Variants in GFI1B observed in about 807,000 individuals in gnomAD.
GFI1B encodes growth factor independent 1B transcriptional repressor, also known as zinc finger protein Gfi-1b.
In GFI1B, 20 loss-of-function variants were observed where a neutral mutation model predicts 35.3. The observed-to-expected ratio is 0.57, with a 90% CI of 0.40 to 0.82. The LOEUF is 0.82. GFI1B is among the 40% of genes least tolerant of loss of function. The probability of loss-of-function intolerance (pLI) is 0.00; values close to 1 mark genes in which losing one functional copy is unlikely to be tolerated. For missense variants in GFI1B, 430 were observed against 446.3 expected, an observed-to-expected ratio of 0.96 and a Z score of 0.33; for synonymous variants, 178 against 177.6, an observed-to-expected ratio of 1.00 and a Z score of -0.02.
At chr9:132,972,102 C>T (rs1848541513) in intron 1 of GFI1B, among the ~76,000 whole-genome samples, 1 of 151,910 alleles carries the variant, frequency 6.6e-6, no homozygotes, top group Admixed American at 6.6e-5. Flanking sequence ...GAGCAAGACC[C>T]TGTCTCTACA....
At chr9:132,987,121 C>T (rs536230806) in intron 2 of GFI1B, among the ~76,000 whole-genome samples, 161 bp from the exon 3 acceptor site, 80 of 152,334 alleles carry the variant, frequency 5.3e-4, no homozygotes, top group African/African-American at 1.9e-3. Context: ...TTCTTGCCGC[C>T]GCCTGCTCTG....
At position 132,990,882 on chromosome 9, in the gene GFI1B, G is replaced by A. The variant is rs776195214; in HGVS notation, c.825G>A (p.Pro275=). ...KHTYIHTGEK[P]HKCQVCGKAF... is the part of the protein sequence containing the mutation. ...CTGCCCTCCCTGCAGGTGAGAAGCC[G>A]CACAAGTGCCAGGTGTGCGGAAAGG... Residue 275 remains proline (P), a synonymous_variant, in exon 7 of 7, where the codon CCG becomes CCA. Coordinates refer to ENST00000372122, the MANE Select transcript of GFI1B (RefSeq NM_001377304.1). 23 of 1,614,042 alleles carry A rather than the reference G, an allele frequency of 1.4e-5. No homozygotes were observed. Among genetic ancestry groups the A allele is most frequent in the African/African-American group, 5.3e-5 (4 of 74,956 alleles).
chr9:132,968,175 G>GGTC (rs1848479565), intron 1 of GFI1B, among the ~76,000 whole-genome samples: 1 of 151,510 alleles, frequency 6.6e-6, no homozygotes, highest in Non-Finnish European at 1.5e-5. Flanking sequence ...AGAGTGCACT[G>GGTC]GTGATCATAG....
At chr9:132,949,330 CACACACACACAT>C (rs1270163725) in intron 1 of GFI1B, among the ~76,000 whole-genome samples, 3 of 151,164 alleles carry the variant, frequency 2.0e-5, no homozygotes, top group East Asian at 1.9e-4. Context: ...CAGATACACA[CACACACACACAT>C]ACACACACAC....
intron 1 of GFI1B, chr9:132,946,545 G>C (rs12376655): frequency 0.22 from 32,772 of 152,176 alleles, 3,658 homozygotes; most frequent in African/African-American, 0.23. Context: ...CGAGGGAAAC[G>C]GGGAAGGGTC....
At chr9:132,960,893 A>T (rs781097407) in intron 1 of GFI1B, among the ~76,000 whole-genome samples, 40 of 151,944 alleles carry the variant, frequency 2.6e-4, no homozygotes, top group Non-Finnish European at 4.3e-4. Context: ...CACCCCCAGC[A>T]ATAAATTGTG....
At chr9:132,970,541 T>C (rs1848518487) in intron 1 of GFI1B, among the ~76,000 whole-genome samples, 1 of 152,132 alleles carries the variant, frequency 6.6e-6, no homozygotes, top group East Asian at 1.9e-4. Context: ...AGTGTGGTGC[T>C]CATCAGAAAA....
At chr9:132,958,495 CCA>C (rs1223895226) in intron 1 of GFI1B, among the ~76,000 whole-genome samples, 7 of 152,182 alleles carry the variant, frequency 4.6e-5, no homozygotes, top group Admixed American at 3.3e-4. Flanking sequence ...CGAGGAGGTG[CCA>C]CACACTTTTA....
At chr9:132,984,799 T>C (rs570293244) in intron 1 of GFI1B, among the ~76,000 whole-genome samples, 2 of 152,252 alleles carry the variant, frequency 1.3e-5, no homozygotes, top group South Asian at 2.1e-4. Context: ...GTCCAAACTC[T>C]TGATGCCCCC....
chr9:132,967,571 A>G (rs1162637745), intron 1 of GFI1B, among the ~76,000 whole-genome samples: 1 of 152,216 alleles, frequency 6.6e-6, no homozygotes, highest in Non-Finnish European at 1.5e-5. Flanking sequence ...AACTGCAAAA[A>G]TGTCCATATA....
chr9:132,961,622 C>T (rs1376749006), intron 1 of GFI1B, among the ~76,000 whole-genome samples: 8 of 146,250 alleles, frequency 5.5e-5, no homozygotes, highest in Admixed American at 2.7e-4. Flanking sequence ...GACGGAGTCT[C>T]GCTCTGTCGC....
At chr9:132,955,832 G>A (rs1418216089) in intron 1 of GFI1B, among the ~76,000 whole-genome samples, 1 of 151,828 alleles carries the variant, frequency 6.6e-6, no homozygotes, top group Admixed American at 6.6e-5. Flanking sequence ...GTGTGTGTGT[G>A]TGTGTGTGTT....
At chr9:132,962,609 A>G in intron 1 of GFI1B, 1 of 506,700 alleles carries the variant, frequency 2.0e-6, no homozygotes, top group Non-Finnish European at 4.0e-6. Context: ...AAAACTGGTA[A>G]TCAAATTAGG....
At chr9:132,962,132 TTTTTC>T (rs1416258656) in intron 1 of GFI1B, among the ~76,000 whole-genome samples, 1 of 112,222 alleles carries the variant, frequency 8.9e-6, no homozygotes, top group African/African-American at 4.0e-5. Context: ...AATTGTTTTT[TTTTTC>T]TTTTTTTTTT....
At chr9:132,967,455 G>C (rs1848465994) in intron 1 of GFI1B, among the ~76,000 whole-genome samples, 1 of 152,118 alleles carries the variant, frequency 6.6e-6, no homozygotes, top group Admixed American at 6.5e-5. Context: ...GGCAGGGGGT[G>C]CTCTTCCATC....
intron 1 of GFI1B, among the ~76,000 whole-genome samples, chr9:132,972,175 A>C (rs1424493609): frequency 3.3e-5 from 5 of 152,090 alleles, no homozygotes; most frequent in Non-Finnish European, 7.4e-5. Flanking sequence ...TAATCCCAGC[A>C]CTTTTGGAAG....
chr9:132,970,924 A>G (rs2132609410), intron 1 of GFI1B, among the ~76,000 whole-genome samples: 1 of 152,296 alleles, frequency 6.6e-6, no homozygotes, highest in African/African-American at 2.4e-5. Context: ...AGCACCACTC[A>G]CCTGATAAGA....
intron 1 of GFI1B, chr9:132,947,278 T>G (rs1410429030): frequency 2.6e-5 from 4 of 152,324 alleles, no homozygotes; most frequent in African/African-American, 9.6e-5. Context: ...CTTTCAGTGC[T>G]GATGGTCCTC....
intron 1 of GFI1B, among the ~76,000 whole-genome samples, chr9:132,968,102 A>C (rs1848476427): frequency 6.9e-6 from 1 of 144,958 alleles, no homozygotes; most frequent in Non-Finnish European, 1.5e-5. Context: ...TTATTTATTT[A>C]TTTATTTATT....
Sources: gnomAD v4.1 joint callset for allele counts (sites outside exome capture counted in the v4.1 genomes callset) on GRCh38, gnomAD v4.1.1 for gene constraint, MANE v1.5 for transcripts, NCBI Gene and HGNC (gene_info 2026-07-23, HGNC 2026-07-21) for gene names.